GPC5: variants seen among roughly 807,000 people sequenced by gnomAD.
GPC5 encodes glypican 5.
In GPC5, 47 loss-of-function variants were observed where a neutral mutation model predicts 53.9. The observed-to-expected ratio is 0.87, with a 90% CI of 0.69 to 1.11. The LOEUF is 1.11. Among genes scored for constraint, GPC5 ranks in the 50% most tolerant of loss-of-function variants. The pLI, the probability that GPC5 is intolerant of heterozygous loss-of-function variation, is 0.00. For missense variants in GPC5, 748 were observed against 713.1 expected (o/e 1.05, Z -0.56); for synonymous variants, 286 against 263.3 (o/e 1.09, Z -0.84).
intron 2 of GPC5, among the ~76,000 whole-genome samples, chr13:91,683,559 G>A (rs2035555935): frequency 6.6e-6 from 1 of 152,106 alleles, no homozygotes; most frequent in Non-Finnish European, 1.5e-5. Context: ...CGGCTTCCAT[G>A]CTGCCATTTA....
At chr13:91,701,133 A>G (rs1427950856) in intron 3 of GPC5, among the ~76,000 whole-genome samples, 1 of 152,156 alleles carries the variant, frequency 6.6e-6, no homozygotes, top group East Asian at 1.9e-4. Context: ...GTACAACATG[A>G]TATTTTGATA....
intron 7 of GPC5, among the ~76,000 whole-genome samples, chr13:92,586,970 A>G (rs1883557480): frequency 2.0e-5 from 3 of 151,800 alleles, no homozygotes; most frequent in Admixed American, 1.3e-4. Flanking sequence ...ACACGCGCAC[A>G]CACACACACG....
At position 92,419,975 on chromosome 13, in the gene GPC5, A is replaced by G. The variant is rs773819305; in HGVS notation, c.1561+274986A>G. ...CTGCTGTCAAAACTCCAGCCATTGT[A>G]TAGTTATTCTTTTTGACCTCTCCAC... On this transcript the variant is annotated intron_variant, in intron 7 of 7. Coordinates refer to ENST00000377067, the MANE Select transcript of GPC5 (RefSeq NM_004466.6). 4.1e-4 allele frequency among the ~76,000 whole-genome samples: 62 copies of G among 152,062 alleles called. 1 individual carries two copies. Among genetic ancestry groups the G allele is most frequent in the Non-Finnish European group, 7.4e-4 (50 of 68,018 alleles).
At chr13:92,491,462 G>T (rs576972507) in intron 7 of GPC5, among the ~76,000 whole-genome samples, 2 of 152,060 alleles carry the variant, frequency 1.3e-5, no homozygotes, top group South Asian at 4.1e-4. Flanking sequence ...TTTTTGTTTT[G>T]ATGCTATAGA....
At chr13:92,602,216 T>C (rs1402982736) in intron 7 of GPC5, among the ~76,000 whole-genome samples, 1 of 12,776 alleles carries the variant, frequency 7.8e-5, no homozygotes, top group East Asian at 0.01. Flanking sequence ...ATTACATATA[T>C]ATAAATATAT....
chr13:92,405,377 C>G (rs1285161655), intron 7 of GPC5, among the ~76,000 whole-genome samples: 1 of 152,208 alleles, frequency 6.6e-6, no homozygotes, highest in Non-Finnish European at 1.5e-5. Context: ...GTGCAAACAA[C>G]ACAGGCAGCG....
At chr13:92,186,052 GAA>G (rs1412309714) in intron 7 of GPC5, among the ~76,000 whole-genome samples, 1 of 152,058 alleles carries the variant, frequency 6.6e-6, no homozygotes, top group South Asian at 2.1e-4. Flanking sequence ...CAGATATTAT[GAA>G]AAGTTTGCTG....
At chr13:92,421,120 C>T (rs1876539397) in intron 7 of GPC5, among the ~76,000 whole-genome samples, 1 of 152,184 alleles carries the variant, frequency 6.6e-6, no homozygotes, top group Non-Finnish European at 1.5e-5. Context: ...CTGTGAAGTA[C>T]ATGCTTTAAT....
chr13:92,806,801 A>G (rs2138793455), intron 7 of GPC5, among the ~76,000 whole-genome samples: 1 of 152,154 alleles, frequency 6.6e-6, no homozygotes, highest in Non-Finnish European at 1.5e-5. Flanking sequence ...GTAACATCAA[A>G]GACCACTGAT....
chr13:92,019,150 T>C lies in GPC5; in HGVS notation c.1401+111093T>C, dbSNP rs2040734618. On this transcript the variant is annotated intron_variant, in intron 6 of 7. Coordinates refer to ENST00000377067, the MANE Select transcript of GPC5 (RefSeq NM_004466.6). ...TAAGGATATGTGTTGTTATTTATTA[T>C]TGCCTTATACTCTCCAATTAATATT... 2.6e-5 allele frequency among the ~76,000 whole-genome samples: 4 copies of C among 152,022 alleles called. No individual in the cohort carries two copies. The South Asian group carries it at 8.3e-4, about 31-fold the overall frequency.
intron 7 of GPC5, among the ~76,000 whole-genome samples, chr13:92,693,557 T>C (rs1411596739): frequency 6.6e-6 from 1 of 152,052 alleles, no homozygotes; most frequent in Non-Finnish European, 1.5e-5. Context: ...CTATGGAAAT[T>C]TGGACTTGAG....
chr13:91,462,858 T>C (rs1353087446), intron 2 of GPC5, among the ~76,000 whole-genome samples: 1 of 152,150 alleles, frequency 6.6e-6, no homozygotes, highest in Non-Finnish European at 1.5e-5. Context: ...TTATAAACCT[T>C]CAAAGTAGAC....
At chr13:92,053,253 G>C (rs771841902) in intron 6 of GPC5, among the ~76,000 whole-genome samples, 1 of 152,132 alleles carries the variant, frequency 6.6e-6, no homozygotes, top group African/African-American at 2.4e-5. Context: ...TATGTTAGGC[G>C]TCAGGCATGT....
chr13:92,610,002 G>A (rs1378171828), intron 7 of GPC5, among the ~76,000 whole-genome samples: 3 of 118,706 alleles, frequency 2.5e-5, no homozygotes, highest in Non-Finnish European at 4.8e-5. Context: ...CTGCACTCCA[G>A]TCTGAGCAAC....
At chr13:91,872,272 C>A (rs1432433173) in intron 5 of GPC5, among the ~76,000 whole-genome samples, 1 of 151,954 alleles carries the variant, frequency 6.6e-6, no homozygotes, top group Non-Finnish European at 1.5e-5. Context: ...GAGAAAAGAG[C>A]CCAAATAAAC....
intron 6 of GPC5, among the ~76,000 whole-genome samples, chr13:91,961,399 T>G (rs1372828928): frequency 6.6e-6 from 1 of 151,960 alleles, no homozygotes; most frequent in Non-Finnish European, 1.5e-5. Flanking sequence ...ACATTTACAG[T>G]CACTTGATTG....
At chr13:92,814,678 A>C (rs1042187055) in intron 7 of GPC5, among the ~76,000 whole-genome samples, 2 of 151,622 alleles carry the variant, frequency 1.3e-5, no homozygotes, top group African/African-American at 4.9e-5. Context: ...AAAATAAAAA[A>C]TAAAAAATAA....
chr13:92,099,515 C>A (rs1284938426), intron 6 of GPC5, among the ~76,000 whole-genome samples: 2 of 152,100 alleles, frequency 1.3e-5, no homozygotes, highest in Non-Finnish European at 2.9e-5. Flanking sequence ...AGATTCTGTC[C>A]CTTCATTGCC....
intron 7 of GPC5, among the ~76,000 whole-genome samples, chr13:92,859,550 A>G (rs1348653568): frequency 6.6e-6 from 1 of 152,084 alleles, no homozygotes; most frequent in East Asian, 1.9e-4. Flanking sequence ...TCAGCCTTAT[A>G]CTTTTTAAAA....
Sources: gnomAD v4.1 joint callset for allele counts (sites outside exome capture counted in the v4.1 genomes callset) on GRCh38, gnomAD v4.1.1 for gene constraint, MANE v1.5 for transcripts, NCBI Gene and HGNC (gene_info 2026-07-23, HGNC 2026-07-21) for gene names.